The following DGKZ variants were observed in gnomAD, a reference collection of about 807,000 sequenced individuals.
DGKZ encodes the protein DAG kinase zeta.
Under a neutral mutation model 142.5 loss-of-function variants are expected in DGKZ, and 45 were observed. The ratio of observed to expected loss-of-function variants is 0.32; its 90% CI spans 0.25 to 0.40. The LOEUF is 0.40. DGKZ is among the 10% of genes least tolerant of loss of function. DGKZ has a pLI of 1.00. For missense variants in DGKZ, 755 were observed against 1,306.5 expected, an observed-to-expected ratio of 0.58 and a Z score of 6.51; for synonymous variants, 442 against 527.0, an observed-to-expected ratio of 0.84 and a Z score of 2.21.
At chr11:46,357,536 C>G (rs1031022218) in intron 1 of DGKZ, among the ~76,000 whole-genome samples, 3 of 152,240 alleles carry the variant, frequency 2.0e-5, no homozygotes, top group Non-Finnish European at 2.9e-5. Context: ...GTGGAAGAAG[C>G]CTTTCTCCTC....
intron 1 of DGKZ, chr11:46,365,380 G>A (rs973422317): frequency 7.4e-5 from 73 of 985,322 alleles, no homozygotes; most frequent in Non-Finnish European, 8.6e-5. Flanking sequence ...AGGTGAGACA[G>A]AGCAGTCGAG....
rs1009392557 is a variant in DGKZ at position 46,333,216 on chromosome 11, C to T, written c.-60C>T. The T allele has an allele frequency of 2.2e-5, 27 of 1,229,530 alleles. No individual in the cohort carries two copies. In the African/African-American group the frequency reaches 4.3e-4, roughly 19 times the overall value. 76.2% of individuals were successfully genotyped at this position (1,229,530 alleles called of 1,614,324 possible). A position where few individuals can be genotyped will look rare whatever the true frequency, so the allele number is the denominator to read the frequency against. ...GTCCCCGGCCCGGGCGGACTGGAGACTCGAACTTGAGCGGGTGCCCGAAAG... is the reference window on the plus strand; with the variant it reads ...GTCCCCGGCCCGGGCGGACTGGAGATTCGAACTTGAGCGGGTGCCCGAAAG... On this transcript the variant is annotated 5_prime_UTR_variant, in exon 1 of 31. Coordinates refer to the DGKZ transcript ENST00000343674.
At chr11:46,377,001 T>C (rs1590638121) in intron 24 of DGKZ, 72 bp from the exon 25 acceptor site, 2 of 1,386,932 alleles carry the variant, frequency 1.4e-6, no homozygotes, top group Admixed American at 3.5e-5. Context: ...CTTCTCCAGG[T>C]CTACCAGCCT....
At chr11:46,379,765 C>A in intron 30 of DGKZ, 66 bp from the exon 31 acceptor site, 1 of 1,475,096 alleles carries the variant, frequency 6.8e-7, no homozygotes, top group South Asian at 1.3e-5. Flanking sequence ...GAGCCCCTGC[C>A]TCTCAGCCTG....
exon 31 of DGKZ, chr11:46,379,948 C>G (rs770884168): frequency 2.5e-6 from 4 of 1,601,740 alleles, no homozygotes; most frequent in East Asian, 4.5e-5. Flanking sequence ...GGCTGTGTAG[C>G]GGGCCGCCCA....
At position 46,366,216 on chromosome 11, in the gene DGKZ, T is replaced by C. The variant is rs566577174; in HGVS notation, c.162-1075T>C. Reference sequence around the variant, plus strand: ...ACAGACCGTGGCCTGATCCAGCTCCTGATGCTCCCGGTCTCTGTGCCCAAC... The same window carrying C: ...ACAGACCGTGGCCTGATCCAGCTCCCGATGCTCCCGGTCTCTGTGCCCAAC... On this transcript the variant is annotated intron_variant, in intron 1 of 30. Transcript: ENST00000527911. The C allele has an allele frequency of 1.5e-5, 23 of 1,526,238 alleles. No homozygotes were observed. The South Asian group carries it at 2.6e-4, about 17-fold the overall frequency. The allele number at this position is 1,526,238 out of a possible 1,614,324, so 94.5% of individuals were successfully genotyped here. A position where few individuals can be genotyped will look rare whatever the true frequency, so the allele number is the denominator to read the frequency against.
At chr11:46,355,375 T>TGA (rs1409885050) in intron 1 of DGKZ, among the ~76,000 whole-genome samples, 5 of 152,346 alleles carry the variant, frequency 3.3e-5, no homozygotes, top group South Asian at 2.1e-4. Context: ...CCCAAAGTGC[T>TGA]GGGATTACAG....
chr11:46,341,423 G>A (rs1940271062), intron 1 of DGKZ, among the ~76,000 whole-genome samples: 1 of 152,244 alleles, frequency 6.6e-6, no homozygotes, highest in African/African-American at 2.4e-5. Flanking sequence ...AGCAGGTGGG[G>A]TGGAATGCCA....
At chr11:46,368,210 G>C in intron 4 of DGKZ, 131 bp downstream of exon 4, 1 of 925,414 alleles carries the variant, frequency 1.1e-6, no homozygotes, top group South Asian at 1.4e-5. Context: ...GAAGAGTCAA[G>C]GACCCTGGAG....
At chr11:46,374,869 A>G in intron 18 of DGKZ, 30 bp downstream of exon 18, 1 of 1,580,580 alleles carries the variant, frequency 6.3e-7, no homozygotes, top group Non-Finnish European at 8.6e-7. Flanking sequence ...AGCTGGGGGG[A>G]GCCCTGCTGT....
At chr11:46,345,436 T>G (rs1410381218), upstream of DGKZ, 22 of 1,464,258 alleles carry the variant, frequency 1.5e-5, no homozygotes, top group Non-Finnish European at 1.9e-5. This position sits in a 1 kb window ranked among gnomAD's most constrained non-coding sequence, Gnocchi z 4.1. Flanking sequence ...CTGGCCACAG[T>G]GCCGGGGGAA....
intron 17 of DGKZ, 40 bp downstream of exon 17, chr11:46,374,706 G>A: frequency 6.2e-7 from 1 of 1,610,234 alleles, no homozygotes; most frequent in Non-Finnish European, 8.5e-7. Context: ...TGGGCCGGAA[G>A]GGAGGGAGGC....
intron 1 of DGKZ, among the ~76,000 whole-genome samples, chr11:46,353,901 C>G (rs1014478536): frequency 3.9e-5 from 6 of 152,246 alleles, no homozygotes; most frequent in African/African-American, 1.2e-4. Flanking sequence ...CGCCCACACC[C>G]CAGCATCTCG....
intron 1 of DGKZ, chr11:46,365,832 C>T: frequency 2.0e-6 from 2 of 985,414 alleles, no homozygotes; most frequent in Non-Finnish European, 2.4e-6. Context: ...ACCGACTCCC[C>T]ATTTTCTTTT....
chr11:46,374,342 A>T, intron 15 of DGKZ, 57 bp from the exon 16 acceptor site: 1 of 1,612,398 alleles, frequency 6.2e-7, no homozygotes, highest in Non-Finnish European at 8.5e-7. Context: ...CCCTCCCCCA[A>T]CCCCACCTGG....
chr11:46,369,727 A>T, intron 5 of DGKZ, 177 bp downstream of exon 5: 1 of 943,386 alleles, frequency 1.1e-6, no homozygotes, highest in Non-Finnish European at 1.6e-6. Context: ...AGTGGGTGGG[A>T]CAGCTTGTGC....
At position 46,379,975 on chromosome 11, in the gene DGKZ, C is replaced by A. The variant is rs759844040; in HGVS notation, c.*28C>A. On this transcript the variant is annotated 3_prime_UTR_variant, in exon 31 of 31. Coordinates refer to ENST00000527911, the Ensembl canonical transcript of DGKZ. ...GGCCGCCCACGGGCAGCAGGAGGGA[C>A]AATGCGGCCAGGGGACGAGCGCCTT... is the stretch of plus-strand genomic sequence containing the variant. 73 of 1,577,938 alleles carry A rather than the reference C, an allele frequency of 4.6e-5. 1 individual carries two copies. The Middle Eastern group carries it at 1.8e-3, about 39-fold the overall frequency.
chr11:46,346,222 G>A (rs1478574375), upstream of DGKZ, among the ~76,000 whole-genome samples: 2 of 152,216 alleles, frequency 1.3e-5, no homozygotes, highest in Non-Finnish European at 2.9e-5. Context: ...GACTAAGGCT[G>A]GAAAACGGGC....
intron 25 of DGKZ, chr11:46,377,811 C>T (rs1338147620): frequency 3.8e-5 from 12 of 314,318 alleles, no homozygotes; most frequent in South Asian, 3.8e-4. Context: ...CTGCCTCCAA[C>T]TCTTCCCCCA....
Sources: allele counts gnomAD v4.1 joint callset (sites outside exome capture counted in the v4.1 genomes callset), GRCh38; gene constraint gnomAD v4.1.1; non-coding constraint Gnocchi (gnomAD v3.1); transcripts MANE v1.5; gene names NCBI Gene and HGNC (gene_info 2026-07-23, HGNC 2026-07-21).